AFF3: variants seen among roughly 807,000 people sequenced by gnomAD.
The protein encoded by AFF3 is AF4/FMR2 family member 3.
Under a neutral mutation model 129.7 loss-of-function variants are expected in AFF3, and 32 were observed. The ratio of observed to expected loss-of-function variants is 0.25; its 90% confidence interval spans 0.19 to 0.33. The LOEUF is 0.33. AFF3 is among the 10% of genes least tolerant of loss of function. The probability of loss-of-function intolerance (pLI) is 1.00; values close to 1 mark genes in which losing one functional copy is unlikely to be tolerated. For synonymous variants in AFF3, 644 were observed against 635.4 expected (o/e 1.01, Z -0.20); for missense variants, 1,373 against 1,592.0 (o/e 0.86, Z 2.34).
In AFF3 at chr2:99,559,982, C is replaced by T. The variant is rs547993660; in HGVS notation, c.3191+383G>A. Among the ~76,000 whole-genome samples, 92 of 152,350 alleles carry T rather than the reference C, an allele frequency of 6.0e-4. 1 individual carries two copies. Among genetic ancestry groups the T allele is most frequent in the South Asian group, 3.7e-3 (18 of 4,826 alleles). On this transcript the variant is annotated intron_variant, in intron 21 of 24. Coordinates refer to ENST00000672756, the MANE Select transcript of AFF3 (RefSeq NM_001386135.1). ...TCATTTTCAAAGTAAGCGGCTGCGC[C>T]GGGTGCGATGGCTCACGCCTGTAAT...
intron 18 of AFF3, among the ~76,000 whole-genome samples, chr2:99,577,529 G>A (rs753057931): frequency 6.6e-6 from 1 of 152,218 alleles, no homozygotes; most frequent in South Asian, 2.1e-4. Flanking sequence ...GAGGGCAGAA[G>A]TGCCTATTTC....
intron 7 of AFF3, among the ~76,000 whole-genome samples, chr2:99,923,664 G>A (rs985260153): frequency 2.6e-5 from 4 of 152,060 alleles, no homozygotes; most frequent in East Asian, 1.9e-4. Context: ...CATATTGTTC[G>A]TTCTTTTCCA....
At chr2:100,079,492 T>C (rs911354881) in intron 4 of AFF3, among the ~76,000 whole-genome samples, 10 of 152,210 alleles carry the variant, frequency 6.6e-5, no homozygotes, top group Non-Finnish European at 1.2e-4. Context: ...TTCTCTCTCT[T>C]GCCTGCTGCA....
intron 12 of AFF3, among the ~76,000 whole-genome samples, chr2:99,670,599 G>A (rs1411339912): frequency 6.6e-6 from 1 of 151,936 alleles, no homozygotes; most frequent in Non-Finnish European, 1.5e-5. Flanking sequence ...GCATAGTTTG[G>A]TCTTGAAGAG....
chr2:100,105,025 G>A, intron 3 of AFF3: 1 of 151,046 alleles, frequency 6.6e-6, no homozygotes, highest in Non-Finnish European at 1.5e-5. Flanking sequence ...TTTACGGCCC[G>A]CCCGCCCCTC....
At chr2:99,589,962 G>A (rs1422340679) in intron 15 of AFF3, among the ~76,000 whole-genome samples, 1 of 152,222 alleles carries the variant, frequency 6.6e-6, no homozygotes, top group Non-Finnish European at 1.5e-5. Context: ...TGGGCATGGG[G>A]ATACTTGGGG....
At chr2:100,116,714 A>G (rs1691749212) in intron 2 of AFF3, among the ~76,000 whole-genome samples, 1 of 152,084 alleles carries the variant, frequency 6.6e-6, no homozygotes, top group Non-Finnish European at 1.5e-5. Flanking sequence ...CAAAGACATT[A>G]TTATTTTATA....
intron 4 of AFF3, among the ~76,000 whole-genome samples, chr2:100,019,508 A>G (rs1161157092): frequency 6.6e-6 from 1 of 152,232 alleles, no homozygotes; most frequent in African/African-American, 2.4e-5. Context: ...ACAGGTGGAA[A>G]CCAACAGAAT....
chr2:99,572,374 C>T (rs1295397570), intron 18 of AFF3, among the ~76,000 whole-genome samples: 3 of 133,776 alleles, frequency 2.2e-5, no homozygotes, highest in Non-Finnish European at 4.6e-5. Context: ...TTTCTTCTGG[C>T]ATGGGAATAT....
chr2:99,653,209 AT>A (rs540518765), intron 12 of AFF3, among the ~76,000 whole-genome samples: 256 of 152,356 alleles, frequency 1.7e-3, no homozygotes, highest in Non-Finnish European at 2.9e-3. Context: ...TACAAGAAGT[AT>A]TTTTGAACTG....
At chr2:99,737,324 A>G (rs1680340443) in intron 10 of AFF3, among the ~76,000 whole-genome samples, 1 of 152,146 alleles carries the variant, frequency 6.6e-6, no homozygotes, top group Non-Finnish European at 1.5e-5. Flanking sequence ...CACTGCATTT[A>G]ATCTTTCTCG....
At chr2:99,643,572 C>T (rs1005681040) in intron 13 of AFF3, among the ~76,000 whole-genome samples, 1 of 152,210 alleles carries the variant, frequency 6.6e-6, no homozygotes, top group African/African-American at 2.4e-5. Flanking sequence ...TGTCCTCTCA[C>T]ATGGCCAGGG....
chr2:100,104,935 C>T lies in AFF3; in HGVS notation c.-64-417G>A, dbSNP rs1003688611. 5.1e-5 allele frequency: 8 copies of T among 157,444 alleles called. No individual in the cohort carries two copies. The South Asian group carries it at 1.5e-3, about 29-fold the overall frequency. The allele number at this position is 157,444 out of a possible 1,614,324, so 9.8% of individuals were successfully genotyped here. A position where few individuals can be genotyped will look rare whatever the true frequency, so the allele number is the denominator to read the frequency against. On this transcript the variant is annotated intron_variant, in intron 3 of 24. Transcript: ENST00000672756. Reference sequence around the variant, plus strand: ...CCCCGCGCCGCGCCCGCCCCGCGCGCCCCTGTACTCCCCGCGCCGCTCCTC... The same window carrying T: ...CCCCGCGCCGCGCCCGCCCCGCGCGTCCCTGTACTCCCCGCGCCGCTCCTC...
chr2:99,807,377 G>A (rs1018517658), intron 8 of AFF3, among the ~76,000 whole-genome samples: 1 of 152,294 alleles, frequency 6.6e-6, no homozygotes, highest in East Asian at 1.9e-4. Context: ...CCTAATGCAT[G>A]AATTCCTACC....
intron 4 of AFF3, among the ~76,000 whole-genome samples, chr2:100,065,262 T>A (rs1306270506): frequency 1.3e-5 from 2 of 152,228 alleles, no homozygotes; most frequent in Admixed American, 6.5e-5. Flanking sequence ...TAAATTTTTT[T>A]AAAAGGATAT....
chr2:99,761,630 C>T (rs75318214), intron 8 of AFF3, among the ~76,000 whole-genome samples: 2,281 of 152,288 alleles, frequency 0.015, 57 homozygotes, highest in African/African-American at 0.053. Context: ...GTTAAATCTT[C>T]GAGTTCAGAG....
chr2:99,648,911 A>ACTCTCTCTCTCTCT (rs1310405470), intron 13 of AFF3, among the ~76,000 whole-genome samples: 9 of 36,302 alleles, frequency 2.5e-4, no homozygotes, highest in Admixed American at 3.5e-4. Context: ...ACACACACAC[A>ACTCTCTCTCTCTCT]CACACACTCT....
At chr2:99,867,707 C>T (rs1009287455) in intron 7 of AFF3, among the ~76,000 whole-genome samples, 2 of 152,138 alleles carry the variant, frequency 1.3e-5, no homozygotes, top group African/African-American at 4.8e-5. Flanking sequence ...TCTCCATATC[C>T]CCCCAATCCC....
At chr2:100,130,593 G>A (rs1033062120) in intron 1 of AFF3, among the ~76,000 whole-genome samples, 1 of 152,224 alleles carries the variant, frequency 6.6e-6, no homozygotes, top group Non-Finnish European at 1.5e-5. Flanking sequence ...CGTTGCCTAA[G>A]TAATAAAAGC....
Sources: allele counts gnomAD v4.1 joint callset (sites outside exome capture counted in the v4.1 genomes callset), GRCh38; gene constraint gnomAD v4.1.1; transcripts MANE v1.5; gene names NCBI Gene and HGNC (gene_info 2026-07-23, HGNC 2026-07-21).